The following BCAP29 variants were observed in gnomAD, a reference collection of about 807,000 sequenced individuals.
The protein encoded by BCAP29 is B cell receptor associated protein 29, also known as B-cell receptor-associated protein 29.
Under a neutral mutation model 31.8 loss-of-function variants are expected in BCAP29, and 34 were observed. That is an observed-to-expected ratio of 1.07 (90% CI 0.81 to 1.42). The LOEUF (loss-of-function observed/expected upper bound fraction) is 1.42, where lower values mean the gene tolerates loss of function less well. BCAP29 is among the 40% of genes most tolerant of loss of function. The pLI, the probability that BCAP29 is intolerant of heterozygous loss-of-function variation, is 0.00. For synonymous variants in BCAP29, 104 were observed against 91.3 expected, an observed-to-expected ratio of 1.14 and a Z score of -0.79; for missense variants, 314 against 269.2, an observed-to-expected ratio of 1.17 and a Z score of -1.16.
chr7:107,612,770 G>C (rs530439944), intron 6 of BCAP29, among the ~76,000 whole-genome samples: 1 of 152,052 alleles, frequency 6.6e-6, no homozygotes, highest in Non-Finnish European at 1.5e-5. Flanking sequence ...CAAAAACAAA[G>C]TGAAAGAACA....
chr7:107,613,295 T>C (rs1813562561), intron 6 of BCAP29, 37 bp from the exon 7 acceptor site: 4 of 1,480,630 alleles, frequency 2.7e-6, no homozygotes, highest in Non-Finnish European at 3.7e-6. Context: ...TTTGAAATTA[T>C]TCTGAAATAA....
chr7:107,608,210 A>T (rs527927805), intron 6 of BCAP29, among the ~76,000 whole-genome samples: 17 of 151,024 alleles, frequency 1.1e-4, no homozygotes, highest in Non-Finnish European at 2.1e-4. Context: ...TAAAAAAAAA[A>T]AAATAAGAAA....
At chr7:107,585,688 G>C (rs796544729) in intron 3 of BCAP29, among the ~76,000 whole-genome samples, 1 of 152,018 alleles carries the variant, frequency 6.6e-6, no homozygotes, top group Non-Finnish European at 1.5e-5. Context: ...AGTTCTTTTG[G>C]TTACATTAGA....
chr7:107,580,640 T>C, intron 1 of BCAP29, 119 bp from the exon 2 acceptor site: 1 of 679,436 alleles, frequency 1.5e-6, no homozygotes, highest in Non-Finnish European at 2.4e-6. Context: ...GTGCTTGCCT[T>C]CCCAGGTGGG....
chr7:107,606,867 GTA>G (rs1812195278), intron 6 of BCAP29, among the ~76,000 whole-genome samples: 1 of 152,162 alleles, frequency 6.6e-6, no homozygotes, highest in African/African-American at 2.4e-5. Context: ...ATAAAAGGGA[GTA>G]TTTATCTGGA....
At chr7:107,594,185 T>A (rs1809383189) in intron 4 of BCAP29, 80 bp downstream of exon 4, 2 of 1,342,346 alleles carry the variant, frequency 1.5e-6, no homozygotes, top group Non-Finnish European at 2.0e-6. Context: ...ACCTTTACTG[T>A]AGATTTTTTT....
chr7:107,599,521 TAA>T (rs397943714), intron 5 of BCAP29, among the ~76,000 whole-genome samples: 5 of 131,738 alleles, frequency 3.8e-5, no homozygotes, highest in Admixed American at 1.6e-4. Flanking sequence ...CCCTGTTTCT[TAA>T]AAAAAAAAAA....
In BCAP29 at chr7:107,604,569, G is replaced by A. The variant is rs530439831; in HGVS notation, c.589+4064G>A. Reference sequence around the variant, plus strand: ...TTTACAGTTGTAAATTTTTGTGGACGTGAACTTAGTTATCTTTTACTTACA... The same window carrying A: ...TTTACAGTTGTAAATTTTTGTGGACATGAACTTAGTTATCTTTTACTTACA... On this transcript the variant is annotated intron_variant, in intron 6 of 7. Coordinates refer to ENST00000005259, the MANE Select transcript of BCAP29 (RefSeq NM_018844.4). 2.0e-4 allele frequency among the ~76,000 whole-genome samples: 30 copies of A among 152,080 alleles called. No individual in the cohort carries two copies. In the East Asian group the frequency reaches 4.1e-3, roughly 21 times the overall value.
intron 3 of BCAP29, 136 bp from the exon 4 acceptor site, chr7:107,593,819 G>A (rs1259719372): frequency 9.1e-6 from 7 of 770,460 alleles, no homozygotes; most frequent in South Asian, 2.6e-5. Context: ...TACTGTAGAC[G>A]GAATGACATA....
At chr7:107,617,339 C>T (rs866922974) in intron 7 of BCAP29, among the ~76,000 whole-genome samples, 16 of 152,096 alleles carry the variant, frequency 1.1e-4, no homozygotes, top group Admixed American at 3.9e-4. Flanking sequence ...GTAAATAGAT[C>T]CCAATTTGCA....
At chr7:107,613,774 A>T in intron 7 of BCAP29, 1 of 1,517,810 alleles carries the variant, frequency 6.6e-7, no homozygotes, top group East Asian at 2.3e-5. Context: ...TTCATGCCAA[A>T]ATGAGGCCAA....
chr7:107,609,777 A>G (rs1471109321), intron 6 of BCAP29, among the ~76,000 whole-genome samples: 1 of 152,228 alleles, frequency 6.6e-6, no homozygotes, highest in Non-Finnish European at 1.5e-5. Context: ...AGGATTAAAT[A>G]CTGAATAGCT....
At chr7:107,621,937 G>C (rs1311790812), downstream of BCAP29, 1 of 530,346 alleles carries the variant, frequency 1.9e-6, no homozygotes, top group Admixed American at 1.9e-5. Context: ...GGACAGATCT[G>C]TAATGGCCTG....
At chr7:107,593,912 T>A (rs771782028) in intron 3 of BCAP29, 43 bp from the exon 4 acceptor site, 3 of 1,545,336 alleles carry the variant, frequency 1.9e-6, no homozygotes. Context: ...CAAGCTTATA[T>A]TCGTAAAAGC....
At chr7:107,601,788 AAAATATTCTT>A (rs1243314782) in intron 6 of BCAP29, among the ~76,000 whole-genome samples, 1 of 152,216 alleles carries the variant, frequency 6.6e-6, no homozygotes, top group Non-Finnish European at 1.5e-5. Context: ...CCAAAACACA[AAAATATTCTT>A]TCAAAATCCT....
At chr7:107,593,467 A>G (rs1432452052) in intron 3 of BCAP29, among the ~76,000 whole-genome samples, 1 of 152,244 alleles carries the variant, frequency 6.6e-6, no homozygotes, top group Non-Finnish European at 1.5e-5. Context: ...ATGTTAACAA[A>G]CTTATGCCAG....
Position 107,580,861 on chromosome 7 carries a change from A to G in BCAP29, c.89A>G (p.Gln30Arg). ...TTCTGCCTACCTTTTATTCCTCCTC[A>G]GAGGTAGGAAACCTTCAAATCGTTA... ...LIFCLPFIPP[Q>R]RWQKIFSFNV... is the part of the protein sequence containing the mutation. The change falls in exon 2 of 8, where the codon CAG (glutamine) becomes CGG (arginine). Residue 30 changes from glutamine to arginine, a missense_variant. Physicochemically the swap from Gln to Arg is conservative, Grantham distance 43. Coordinates refer to ENST00000005259, the MANE Select transcript of BCAP29 (RefSeq NM_018844.4). 1 of 1,584,986 alleles carries G rather than the reference A, an allele frequency of 6.3e-7. No homozygotes were observed. Among genetic ancestry groups the G allele is most frequent in the South Asian group, 1.2e-5 (1 of 86,884 alleles).
chr7:107,614,499 G>T (rs1003607648), intron 7 of BCAP29, among the ~76,000 whole-genome samples: 1 of 152,194 alleles, frequency 6.6e-6, no homozygotes, highest in Non-Finnish European at 1.5e-5. Flanking sequence ...TTAGCACTAT[G>T]CCTAGCTGAC....
At chr7:107,595,684 G>C (rs1372352157) in intron 4 of BCAP29, 183 bp from the exon 5 acceptor site, 1 of 505,784 alleles carries the variant, frequency 2.0e-6, no homozygotes, top group Non-Finnish European at 3.3e-6. Flanking sequence ...AGATTCCAAA[G>C]GAATGAGACA....
Sources: gnomAD v4.1 joint callset for allele counts (sites outside exome capture counted in the v4.1 genomes callset) on GRCh38, gnomAD v4.1.1 for gene constraint, MANE v1.5 for transcripts, NCBI Gene and HGNC (gene_info 2026-07-23, HGNC 2026-07-21) for gene names.